LMX1A: variants seen among roughly 807,000 people sequenced by gnomAD.
LMX1A encodes LIM homeobox transcription factor 1-alpha.
In LMX1A, 15 loss-of-function variants were observed where a neutral mutation model predicts 49.1. The ratio of observed to expected loss-of-function variants is 0.31; its 90% CI spans 0.20 to 0.47. LMX1A has a LOEUF of 0.47. Among genes scored for constraint, LMX1A ranks in the 20% least tolerant of loss-of-function variants. The pLI is 1.00. For synonymous variants in LMX1A, 167 were observed against 185.7 expected (o/e 0.90, Z 0.82); for missense variants, 372 against 475.8 (o/e 0.78, Z 2.03).
intron 3 of LMX1A, among the ~76,000 whole-genome samples, chr1:165,263,831 A>G (rs890230252): frequency 3.3e-5 from 5 of 152,242 alleles, no homozygotes. Context: ...CTGCCATTAT[A>G]TCACTGCCTA....
Position 165,355,891 on chromosome 1 carries a change from T to A in LMX1A, c.-22-310A>T, listed in dbSNP as rs113381981. The A allele has an allele frequency of 0.011, 4,249 of 375,418 alleles. 159 individuals are homozygous for A. Among genetic ancestry groups the A allele is most frequent in the African/African-American group, 0.081 (3,947 of 48,662 alleles). 23.3% of individuals were successfully genotyped at this position (375,418 alleles called of 1,614,324 possible). On this transcript the variant is annotated intron_variant, in intron 1 of 8. Coordinates refer to ENST00000342310, the MANE Select transcript of LMX1A (RefSeq NM_177398.4). The surrounding 1 kb of genome is among the most constrained non-coding windows in gnomAD (Gnocchi z 4.7). Reference sequence around the variant, plus strand: ...CTTGCCCCAGGTTTTCCATCCCGAATCCGACTCCGCCCCAACCTATACGAA... The same window carrying A: ...CTTGCCCCAGGTTTTCCATCCCGAAACCGACTCCGCCCCAACCTATACGAA...
intron 3 of LMX1A, among the ~76,000 whole-genome samples, chr1:165,269,720 G>A (rs559715974): frequency 2.0e-5 from 3 of 152,282 alleles, no homozygotes; most frequent in African/African-American, 7.2e-5. Flanking sequence ...GCCATAAAAA[G>A]GAATGAGATC....
At chr1:165,238,765 G>A (rs1031598485) in intron 4 of LMX1A, among the ~76,000 whole-genome samples, 2 of 152,176 alleles carry the variant, frequency 1.3e-5, no homozygotes, top group South Asian at 4.1e-4. Flanking sequence ...CAAAACATAA[G>A]GTTCATTTTC....
intron 3 of LMX1A, among the ~76,000 whole-genome samples, chr1:165,342,828 G>A (rs2101764177): frequency 6.6e-6 from 1 of 152,052 alleles, no homozygotes; most frequent in East Asian, 2.0e-4. Flanking sequence ...TCACTGGGGT[G>A]TGAACACCAG....
intron 3 of LMX1A, among the ~76,000 whole-genome samples, chr1:165,338,150 C>T (rs1196311771): frequency 2.0e-5 from 3 of 152,128 alleles, no homozygotes; most frequent in African/African-American, 7.2e-5. Flanking sequence ...TCCATTTTGT[C>T]CCCAGAAATT....
intron 3 of LMX1A, among the ~76,000 whole-genome samples, chr1:165,261,470 C>T (rs76616047): frequency 0.011 from 1,684 of 152,206 alleles, 36 homozygotes; most frequent in African/African-American, 0.038. Context: ...CTGTGGAATG[C>T]GGTACGGAGT....
chr1:165,221,944 C>CACACACAT lies in LMX1A; in HGVS notation c.497-8132_497-8131insATGTGTGT, dbSNP rs148884855. ...ACACACACACACACACACACACACA[C>CACACACAT]GCACACGCACACACACACGCTTTCT... On this transcript the variant is annotated intron_variant, in intron 4 of 8. Coordinates refer to ENST00000342310, the MANE Select transcript of LMX1A (RefSeq NM_177398.4). 3.2e-3 allele frequency among the ~76,000 whole-genome samples: 476 copies of CACACACAT among 149,370 alleles called. 3 individuals carry two copies. The highest frequency in any genetic ancestry group is 0.013 in the East Asian group (67 of 5,018).
At chr1:165,218,165 C>A (rs1255335339) in intron 4 of LMX1A, among the ~76,000 whole-genome samples, 4 of 152,236 alleles carry the variant, frequency 2.6e-5, no homozygotes, top group African/African-American at 9.6e-5. Context: ...CCTCTCCTGA[C>A]CTCTTGTTCT....
chr1:165,271,688 A>C (rs914254849), intron 3 of LMX1A, among the ~76,000 whole-genome samples: 1 of 152,056 alleles, frequency 6.6e-6, no homozygotes, highest in Non-Finnish European at 1.5e-5. Context: ...TCCCCATCAT[A>C]AAAGGAAGAG....
chr1:165,276,505 G>C (rs1653972549), intron 3 of LMX1A, among the ~76,000 whole-genome samples: 1 of 152,156 alleles, frequency 6.6e-6, no homozygotes, highest in African/African-American at 2.4e-5. Context: ...CCAGCCTCAG[G>C]AGAATGAACA....
intron 3 of LMX1A, among the ~76,000 whole-genome samples, chr1:165,341,810 TCATTTTTA>T (rs1656083998): frequency 6.6e-6 from 1 of 152,220 alleles, no homozygotes; most frequent in African/African-American, 2.4e-5. Flanking sequence ...TTTGTTTTAT[TCATTTTTA>T]CATACCTGAC....
Position 165,247,054 on chromosome 1 carries a change from C to CTTTTTTTTTCTTTTTTTTTTTTTT in LMX1A, c.496+2353_496+2354insAAAAAAAAAAAAAAGAAAAAAAAA, listed in dbSNP as rs1652876638. Among the ~76,000 whole-genome samples the CTTTTTTTTTCTTTTTTTTTTTTTT allele has an allele frequency of 5.8e-4, 31 of 53,226 alleles. 1 individual carries two copies. Among genetic ancestry groups the CTTTTTTTTTCTTTTTTTTTTTTTT allele is most frequent in the African/African-American group, 2.2e-3 (31 of 13,914 alleles). 34.9% of individuals were successfully genotyped at this position (53,226 alleles called of 152,430 possible). ...GTTACTTAGATCAGATCAGCTTTTTCTTTTTTTTTTTTTTTTTTTTTTTTT... is the reference window on the plus strand; with the variant it reads ...GTTACTTAGATCAGATCAGCTTTTTCTTTTTTTTTCTTTTTTTTTTTTTTTTTTTTTTTTTTTTTTTTTTTTTTT... On this transcript the variant is annotated intron_variant, in intron 4 of 8. Coordinates refer to ENST00000342310, the MANE Select transcript of LMX1A (RefSeq NM_177398.4).
chr1:165,235,294 G>A (rs1353935446), intron 4 of LMX1A, among the ~76,000 whole-genome samples: 1 of 152,178 alleles, frequency 6.6e-6, no homozygotes, highest in Non-Finnish European at 1.5e-5. Flanking sequence ...CTTCACTAGT[G>A]CATGTGCGAG....
rs555420083 is a variant in LMX1A at position 165,316,865 on chromosome 1, C to G, written c.263+36211G>C. ...ATCCCACAGGGCACTCGGGCCCGGG[C>G]AAAGCTGCCTCCCTAAACAGGATTG... On this transcript the variant is annotated intron_variant, in intron 3 of 8. Coordinates refer to ENST00000342310, the MANE Select transcript of LMX1A (RefSeq NM_177398.4). 1.2e-4 allele frequency among the ~76,000 whole-genome samples: 19 copies of G among 152,274 alleles called. No homozygotes were observed. The South Asian group carries it at 3.9e-3, about 32-fold the overall frequency.
intron 3 of LMX1A, among the ~76,000 whole-genome samples, chr1:165,328,595 G>A (rs540313351): frequency 6.6e-6 from 1 of 152,346 alleles, no homozygotes; most frequent in African/African-American, 2.4e-5. Context: ...AGCAGCATGA[G>A]TGAGACTCAG....
At chr1:165,260,753 G>C (rs1485748760) in intron 3 of LMX1A, among the ~76,000 whole-genome samples, 3 of 152,074 alleles carry the variant, frequency 2.0e-5, no homozygotes, top group African/African-American at 4.8e-5. Flanking sequence ...AGTCTTGTAG[G>C]GGAGGCAAAC....
intron 3 of LMX1A, among the ~76,000 whole-genome samples, chr1:165,285,354 A>G (rs1050267259): frequency 6.6e-6 from 1 of 152,190 alleles, no homozygotes; most frequent in Non-Finnish European, 1.5e-5. Context: ...GTGTTTGAAA[A>G]TCCTTCCAGT....
At chr1:165,291,998 C>A (rs1557875361) in intron 3 of LMX1A, among the ~76,000 whole-genome samples, 1 of 137,194 alleles carries the variant, frequency 7.3e-6, no homozygotes, top group Non-Finnish European at 1.5e-5. Context: ...GGAGGCGGAG[C>A]TTGCAGTGAG....
rs1007505604 is a variant in LMX1A at position 165,314,610 on chromosome 1, T to A, written c.263+38466A>T. 5.8e-4 allele frequency among the ~76,000 whole-genome samples: 88 copies of A among 151,182 alleles called. 4 individuals are homozygous for A. Among genetic ancestry groups the A allele is most frequent in the Non-Finnish European group, 4.4e-5 (3 of 67,896 alleles). ...CAAAACTGTAATTTCTTCCAATATC[T>A]TTTTTTTTATTACCTCTCATTCTGT... On this transcript the variant is annotated intron_variant, in intron 3 of 8. Coordinates refer to ENST00000342310, the MANE Select transcript of LMX1A (RefSeq NM_177398.4).
Sources: gnomAD v4.1 joint callset for allele counts (sites outside exome capture counted in the v4.1 genomes callset) on GRCh38, gnomAD v4.1.1 for gene constraint, Gnocchi (gnomAD v3.1) non-coding constraint, MANE v1.5 for transcripts, NCBI Gene and HGNC (gene_info 2026-07-23, HGNC 2026-07-21) for gene names.